The following NEDD4L variants were observed in gnomAD, a reference collection of about 807,000 sequenced individuals.
The protein encoded by NEDD4L is NEDD4 like E3 ubiquitin protein ligase.
In NEDD4L, 54 loss-of-function variants were observed where a neutral mutation model predicts 148.9. The observed-to-expected ratio is 0.36, with a 90% CI of 0.29 to 0.45. The LOEUF is 0.45. Among genes scored for constraint, NEDD4L ranks in the 20% least tolerant of loss-of-function variants. The pLI, the probability that NEDD4L is intolerant of heterozygous loss-of-function variation, is 1.00. For missense variants in NEDD4L, 856 were observed against 1,233.8 expected (o/e 0.69, Z 4.59); for synonymous variants, 433 against 440.7 (o/e 0.98, Z 0.22).
intron 2 of NEDD4L, among the ~76,000 whole-genome samples, chr18:58,238,219 C>T (rs992247690): frequency 5.3e-5 from 8 of 152,104 alleles, no homozygotes; most frequent in African/African-American, 1.4e-4. Flanking sequence ...TTCAGTAAAT[C>T]TTGGGCTGAA....
At chr18:58,142,207 C>T (rs28452174) in intron 1 of NEDD4L, among the ~76,000 whole-genome samples, 3,879 of 69,616 alleles carry the variant, frequency 0.056, 150 homozygotes, top group African/African-American at 0.15. Context: ...CCACCACGCC[C>T]GGCTAATTTT....
At chr18:58,282,640 T>G (rs1335179123) in intron 5 of NEDD4L, among the ~76,000 whole-genome samples, 1 of 152,214 alleles carries the variant, frequency 6.6e-6, no homozygotes, top group Non-Finnish European at 1.5e-5. Flanking sequence ...TTGCCCAAAT[T>G]GAGTTTGAGT....
intron 22 of NEDD4L, among the ~76,000 whole-genome samples, chr18:58,369,906 A>T (rs964328673): frequency 1.3e-5 from 2 of 152,130 alleles, no homozygotes; most frequent in Admixed American, 1.3e-4. Context: ...TGCCCAAGCA[A>T]TGATAACAGA....
intron 1 of NEDD4L, among the ~76,000 whole-genome samples, chr18:58,070,323 G>A (rs1245337203): frequency 2.0e-5 from 3 of 151,846 alleles, no homozygotes; most frequent in Non-Finnish European, 4.4e-5. Flanking sequence ...GGAGTGCAGT[G>A]GTGTAATCGT....
chr18:58,290,087 AAATT>A (rs2054502423), intron 5 of NEDD4L, among the ~76,000 whole-genome samples: 1 of 152,250 alleles, frequency 6.6e-6, no homozygotes, highest in African/African-American at 2.4e-5. Context: ...ATTTTACTGT[AAATT>A]AATATCATCA....
At chr18:58,128,170 C>T (rs1389509418) in intron 1 of NEDD4L, among the ~76,000 whole-genome samples, 1 of 152,174 alleles carries the variant, frequency 6.6e-6, no homozygotes, top group Non-Finnish European at 1.5e-5. Flanking sequence ...CCTCAGCCTC[C>T]CAAGTGGCTG....
Position 58,387,464 on chromosome 18 carries a change from AT to A in NEDD4L, c.2516del (p.Leu839Ter). 1 of 1,563,440 alleles carries A rather than the reference AT, an allele frequency of 6.4e-7. No individual in the cohort carries two copies. ...GGATTCACAGAACTACTTCCTATTG[AT>A]TTGATTAAAATTTTTGATGAAAATG... is the stretch of plus-strand genomic sequence containing the variant. ...LEGFTELLPI[D>X]LIKIFDENEL... is the part of the protein sequence containing the mutation. On this transcript the variant is annotated frameshift_variant, in exon 27 of 31. Transcript: ENST00000400345. LOFTEE classifies it high-confidence loss of function.
intron 24 of NEDD4L, among the ~76,000 whole-genome samples, chr18:58,378,377 G>A (rs1267504836): frequency 2.0e-5 from 3 of 152,218 alleles, no homozygotes; most frequent in Admixed American, 6.5e-5. Flanking sequence ...CTTGGGGGAA[G>A]GCAGTGAGTG....
intron 19 of NEDD4L, chr18:58,359,833 T>C (rs544539297): frequency 1.3e-5 from 2 of 152,312 alleles, no homozygotes; most frequent in Non-Finnish European, 2.9e-5. Flanking sequence ...TTGTTTTAAC[T>C]GCTCTCCCAG....
chr18:58,221,266 T>G (rs1226205612), intron 2 of NEDD4L, among the ~76,000 whole-genome samples: 1 of 152,114 alleles, frequency 6.6e-6, no homozygotes, highest in Non-Finnish European at 1.5e-5. Flanking sequence ...TGGCTTTAAA[T>G]AAGCAAAACA....
intron 15 of NEDD4L, among the ~76,000 whole-genome samples, chr18:58,342,439 G>A (rs765196836): frequency 1.3e-5 from 2 of 152,194 alleles, no homozygotes; most frequent in East Asian, 1.9e-4. Flanking sequence ...ATGCTGATAA[G>A]TGGGAATGGA....
chr18:58,216,999 C>A (rs1429508039), intron 2 of NEDD4L, among the ~76,000 whole-genome samples: 1 of 152,186 alleles, frequency 6.6e-6, no homozygotes, highest in Non-Finnish European at 1.5e-5. Flanking sequence ...GGGGTCTTTT[C>A]AAATGCTTTG....
At chr18:58,367,923 G>A (rs919513958) in intron 22 of NEDD4L, 56 bp downstream of exon 22, 46 of 1,591,126 alleles carry the variant, frequency 2.9e-5, no homozygotes, top group Non-Finnish European at 3.8e-5. Flanking sequence ...GCTAGTAGGT[G>A]TCTTATCTTT....
intron 2 of NEDD4L, among the ~76,000 whole-genome samples, chr18:58,219,689 A>G (rs556488250): frequency 1.3e-5 from 2 of 152,284 alleles, no homozygotes; most frequent in Admixed American, 1.3e-4. Context: ...ATTGGGACCC[A>G]CCTACTAACC....
chr18:58,349,422 C>T, intron 16 of NEDD4L, 115 bp from the exon 17 acceptor site: 1 of 763,986 alleles, frequency 1.3e-6, no homozygotes, highest in Non-Finnish European at 2.3e-6. Flanking sequence ...ATCTCACGCT[C>T]CAGGCATGGA....
intron 1 of NEDD4L, chr18:58,165,499 C>T (rs2036736157): frequency 4.7e-6 from 1 of 212,876 alleles, no homozygotes. Context: ...CTTGGTACAG[C>T]TGGAAAAGCT....
intron 1 of NEDD4L, chr18:58,046,005 T>A (rs1435908371): frequency 6.6e-6 from 1 of 152,200 alleles, no homozygotes; most frequent in Non-Finnish European, 1.5e-5. Flanking sequence ...TGTGTGTGTG[T>A]GCCTGTGTGC....
At chr18:58,334,625 T>A (rs2041477140) in intron 12 of NEDD4L, among the ~76,000 whole-genome samples, 1 of 152,250 alleles carries the variant, frequency 6.6e-6, no homozygotes, top group Non-Finnish European at 1.5e-5. Context: ...ACAGTTTTTG[T>A]CTGTTGCTAC....
intron 1 of NEDD4L, among the ~76,000 whole-genome samples, chr18:58,111,250 T>C (rs1432754507): frequency 6.6e-6 from 1 of 152,148 alleles, no homozygotes; most frequent in African/African-American, 2.4e-5. Flanking sequence ...GTATTTTTAG[T>C]AGAGACAGGG....
Sources: allele counts gnomAD v4.1 joint callset (sites outside exome capture counted in the v4.1 genomes callset), GRCh38; gene constraint gnomAD v4.1.1; transcripts MANE v1.5; gene names NCBI Gene and HGNC (gene_info 2026-07-23, HGNC 2026-07-21).